Variants in CAST observed in about 807,000 individuals in gnomAD.
CAST encodes MIR583 host.
In CAST, 76 loss-of-function variants were observed where a neutral mutation model predicts 119.6. The observed-to-expected ratio is 0.64, with a 90% CI of 0.53 to 0.77. The LOEUF (loss-of-function observed/expected upper bound fraction) is 0.77, where lower values mean the gene tolerates loss of function less well. Among genes scored for constraint, CAST ranks in the 30% least tolerant of loss-of-function variants. The probability of loss-of-function intolerance (pLI) is 0.00; values close to 1 mark genes in which losing one functional copy is unlikely to be tolerated. For missense variants in CAST, 953 were observed against 946.5 expected, an observed-to-expected ratio of 1.01 and a Z score of -0.09; for synonymous variants, 319 against 331.6, an observed-to-expected ratio of 0.96 and a Z score of 0.41.
At chr5:96,597,793 C>A (rs1441768467) in intron 1 of CAST, among the ~76,000 whole-genome samples, 3 of 152,156 alleles carry the variant, frequency 2.0e-5, no homozygotes, top group Non-Finnish European at 4.4e-5. Flanking sequence ...CTCATTATAA[C>A]CCTGCTAAGT....
At chr5:96,600,470 T>C (rs1425575516) in intron 1 of CAST, among the ~76,000 whole-genome samples, 1 of 152,040 alleles carries the variant, frequency 6.6e-6, no homozygotes, top group Non-Finnish European at 1.5e-5. Context: ...AGACAAAAAA[T>C]CATTGATAAC....
chr5:96,446,700 G>A, the CAST span, among the ~76,000 whole-genome samples: 2 of 152,182 alleles, frequency 1.3e-5, no homozygotes, highest in African/African-American at 2.4e-5. Context: ...GCAGCAAGAA[G>A]CCCAGCCCAA....
upstream of CAST, among the ~76,000 whole-genome samples, chr5:96,524,112 T>C (rs939334786): frequency 6.6e-6 from 1 of 152,218 alleles, no homozygotes; most frequent in Admixed American, 6.5e-5. Context: ...ATTGAATTTC[T>C]TGGGTCACAC....
chr5:96,283,086 C>T, the CAST span, among the ~76,000 whole-genome samples: 31 of 144,580 alleles, frequency 2.1e-4, no homozygotes, highest in Non-Finnish European at 3.9e-4. Flanking sequence ...GCCGAGATTG[C>T]GCCACTGCAC....
chr5:96,411,029 T>C, the CAST span: 1 of 1,380,108 alleles, frequency 7.2e-7, no homozygotes, highest in Non-Finnish European at 1.0e-6. Context: ...TATCATCTAT[T>C]GGGGTCATTG....
rs771836092 is a variant in CAST at position 96,740,066 on chromosome 5, A to C, written c.827A>C (p.Glu276Ala). The C allele has an allele frequency of 1.3e-6, 2 of 1,580,768 alleles. No homozygotes were observed. Among genetic ancestry groups the C allele is most frequent in the Admixed American group, 3.4e-5 (2 of 58,146 alleles). The change falls in exon 12 of 32, where the codon GAA becomes GCA. Residue 276 changes from glutamate (E) to alanine (A), a missense_variant. Coordinates refer to ENST00000675179, the MANE Select transcript of CAST (RefSeq NM_001750.7). ...SDPMSSTYIE[E>A]LGKREVTIPP... Reference sequence around the variant, plus strand: ...CCAATGAGTTCCACCTACATAGAGGAATTGGGTAAAAGAGAAGTCACAATT... The same window carrying C: ...CCAATGAGTTCCACCTACATAGAGGCATTGGGTAAAAGAGAAGTCACAATT...
chr5:96,517,397 G>A, the CAST span, among the ~76,000 whole-genome samples: 94 of 152,242 alleles, frequency 6.2e-4, 2 homozygotes, highest in Middle Eastern at 3.4e-3. Context: ...ATCAGGAGAC[G>A]TTTCAAATAA....
chr5:95,994,560 A>G, the CAST span, among the ~76,000 whole-genome samples: 2 of 152,100 alleles, frequency 1.3e-5, no homozygotes, highest in African/African-American at 4.8e-5. Context: ...TTACATGACT[A>G]TATACAATTC....
At chr5:96,609,842 T>G (rs942425303) in intron 1 of CAST, among the ~76,000 whole-genome samples, 13 of 152,170 alleles carry the variant, frequency 8.5e-5, no homozygotes, top group Non-Finnish European at 1.5e-4. Context: ...GGGGCATTTT[T>G]TAAATGCCTT....
the CAST span, among the ~76,000 whole-genome samples, chr5:96,312,091 T>C: frequency 6.6e-6 from 1 of 152,106 alleles, no homozygotes; most frequent in Non-Finnish European, 1.5e-5. Flanking sequence ...CTCCTACAGA[T>C]TTTTGCTTTC....
chr5:96,412,455 T>C, the CAST span: 37 of 1,613,946 alleles, frequency 2.3e-5, no homozygotes, highest in Non-Finnish European at 3.1e-5. Flanking sequence ...CTGGCCTCAA[T>C]AGCATCCGTC....
the CAST span, among the ~76,000 whole-genome samples, chr5:96,163,391 A>G: frequency 6.6e-6 from 1 of 152,142 alleles, no homozygotes; most frequent in Non-Finnish European, 1.5e-5. Context: ...TTTCTATTCC[A>G]TAATTACTAT....
At chr5:96,705,191 C>T (rs754711000) in intron 3 of CAST, among the ~76,000 whole-genome samples, 1 of 152,006 alleles carries the variant, frequency 6.6e-6, no homozygotes, top group Middle Eastern at 3.4e-3. Flanking sequence ...GTGGCGTGCA[C>T]CTATGTGGCC....
At chr5:96,284,195 G>A in the CAST span, among the ~76,000 whole-genome samples, 20 of 152,266 alleles carry the variant, frequency 1.3e-4, no homozygotes, top group Non-Finnish European at 1.8e-4. Flanking sequence ...AAAATGTTTT[G>A]GTGTCTCTGA....
At chr5:96,298,957 G>A in the CAST span, among the ~76,000 whole-genome samples, 1 of 151,686 alleles carries the variant, frequency 6.6e-6, no homozygotes, top group African/African-American at 2.4e-5. Flanking sequence ...ATTTTTAACT[G>A]GGCCAGGAGC....
At chr5:96,024,944 T>A in the CAST span, among the ~76,000 whole-genome samples, 1 of 152,208 alleles carries the variant, frequency 6.6e-6, no homozygotes, top group South Asian at 2.1e-4. Flanking sequence ...AAATGTCATA[T>A]TCTAGGTCAT....
intron 2 of CAST, 63 bp from the exon 3 acceptor site, chr5:96,695,773 T>C: frequency 9.7e-7 from 1 of 1,033,304 alleles, no homozygotes; most frequent in Non-Finnish European, 1.5e-6. Context: ...ATATGTAAGT[T>C]TGCATTTGAC....
chr5:95,961,934 G>T, the CAST span: 2 of 595,012 alleles, frequency 3.4e-6, no homozygotes, highest in Non-Finnish European at 5.4e-6. Flanking sequence ...TCGTCTCATT[G>T]GTCTTGTTCC....
At chr5:96,581,275 TAACA>T (rs1008400116) in intron 1 of CAST, among the ~76,000 whole-genome samples, 87 of 152,140 alleles carry the variant, frequency 5.7e-4, no homozygotes, top group African/African-American at 1.9e-3. Context: ...CAAACACAGA[TAACA>T]AACAAACATA....
Sources: gnomAD v4.1 joint callset for allele counts (sites outside exome capture counted in the v4.1 genomes callset) on GRCh38, gnomAD v4.1.1 for gene constraint, MANE v1.5 for transcripts, NCBI Gene and HGNC (gene_info 2026-07-23, HGNC 2026-07-21) for gene names.